PPFIA2: variants seen among roughly 807,000 people sequenced by gnomAD.
The protein encoded by PPFIA2 is PPFI scaffold protein A2.
In PPFIA2, 46 loss-of-function variants were observed where a neutral mutation model predicts 175.5. That is an observed-to-expected ratio of 0.26 (90% CI 0.21 to 0.34). PPFIA2 has a LOEUF of 0.34. Among genes scored for constraint, PPFIA2 ranks in the 10% least tolerant of loss-of-function variants. The pLI is 1.00. For synonymous variants in PPFIA2, 568 were observed against 511.4 expected (o/e 1.11, Z -1.49); for missense variants, 1,179 against 1,506.1 (o/e 0.78, Z 3.60).
chr12:81,653,429 G>C (rs4480617), intron 4 of PPFIA2, among the ~76,000 whole-genome samples: 47,543 of 151,886 alleles, frequency 0.31, 9,762 homozygotes, highest in African/African-American at 0.59. Context: ...CCAAAACCAA[G>C]TTGTCAGTAG....
At chr12:81,400,223 G>A (rs1027518208) in intron 8 of PPFIA2, among the ~76,000 whole-genome samples, 1 of 152,096 alleles carries the variant, frequency 6.6e-6, no homozygotes, top group African/African-American at 2.4e-5. Context: ...TTTCACAATA[G>A]CATGATGGAA....
intron 4 of PPFIA2, among the ~76,000 whole-genome samples, chr12:81,485,701 ATAG>A (rs1363423554): frequency 6.6e-6 from 1 of 151,980 alleles, no homozygotes. Context: ...AAGTCACAAA[ATAG>A]TAAACAAATC....
intron 4 of PPFIA2, among the ~76,000 whole-genome samples, chr12:81,560,885 A>G (rs1191995207): frequency 6.6e-6 from 1 of 152,152 alleles, no homozygotes; most frequent in African/African-American, 2.4e-5. Flanking sequence ...AACAGCTGAT[A>G]ATTTTTAATC....
chr12:81,581,962 C>T (rs2074480373), intron 4 of PPFIA2, among the ~76,000 whole-genome samples: 1 of 151,844 alleles, frequency 6.6e-6, no homozygotes, highest in Admixed American at 6.6e-5. Context: ...TAAAAATAAA[C>T]TGAACCTCGG....
chr12:81,532,068 A>T (rs2064652245), intron 4 of PPFIA2, among the ~76,000 whole-genome samples: 1 of 151,844 alleles, frequency 6.6e-6, no homozygotes, highest in Non-Finnish European at 1.5e-5. Flanking sequence ...CTCTGGCCAC[A>T]GTTACTTGAA....
chr12:81,300,424 A>G (rs112459579), intron 22 of PPFIA2, among the ~76,000 whole-genome samples: 17,911 of 152,206 alleles, frequency 0.12, 1,382 homozygotes, highest in Middle Eastern at 0.19. Flanking sequence ...TCTACTATTA[A>G]TCAATTAGTT....
chr12:81,417,313 C>G (rs1195581802), intron 7 of PPFIA2: 2 of 151,550 alleles, frequency 1.3e-5, no homozygotes, highest in Non-Finnish European at 3.0e-5. Flanking sequence ...TGAAATTTGA[C>G]CTCTTCAGCC....
At chr12:81,560,384 T>C (rs1327387600) in intron 4 of PPFIA2, among the ~76,000 whole-genome samples, 6 of 152,082 alleles carry the variant, frequency 3.9e-5, no homozygotes, top group Admixed American at 2.0e-4. Flanking sequence ...TGGAAGGTAA[T>C]CATATGTCAT....
At chr12:81,532,967 AT>A (rs5799537) in intron 4 of PPFIA2, among the ~76,000 whole-genome samples, 21 of 150,966 alleles carry the variant, frequency 1.4e-4, no homozygotes, top group Middle Eastern at 3.4e-3. Flanking sequence ...ATATCATTTA[AT>A]TTTTTTTTGT....
chr12:81,284,550 C>A (rs2073440918), intron 24 of PPFIA2, among the ~76,000 whole-genome samples: 1 of 152,136 alleles, frequency 6.6e-6, no homozygotes, highest in African/African-American at 2.4e-5. Flanking sequence ...AATGACATTT[C>A]TGCAATTATT....
chr12:81,606,638 T>G (rs976969128), intron 4 of PPFIA2, among the ~76,000 whole-genome samples: 2 of 152,110 alleles, frequency 1.3e-5, no homozygotes, highest in Non-Finnish European at 2.9e-5. Context: ...TCTGTTCATT[T>G]CCTTTGCCCA....
intron 22 of PPFIA2, among the ~76,000 whole-genome samples, chr12:81,324,431 A>G (rs2054319136): frequency 6.6e-6 from 1 of 151,998 alleles, no homozygotes. Flanking sequence ...TTTGTCAAAT[A>G]TTTGTCTGGG....
intron 4 of PPFIA2, among the ~76,000 whole-genome samples, chr12:81,664,850 T>C (rs933690803): frequency 2.4e-4 from 37 of 152,076 alleles, no homozygotes; most frequent in Non-Finnish European, 4.6e-4. Flanking sequence ...TGGAATACTA[T>C]GCAGCCATAA....
intron 4 of PPFIA2, among the ~76,000 whole-genome samples, chr12:81,590,124 G>T (rs778945784): frequency 7.9e-5 from 12 of 152,020 alleles, no homozygotes; most frequent in Non-Finnish European, 1.3e-4. Flanking sequence ...CTCTCTCTTG[G>T]CTGGGAAACT....
intron 7 of PPFIA2, among the ~76,000 whole-genome samples, chr12:81,434,297 T>C (rs907988495): frequency 6.6e-6 from 1 of 152,074 alleles, no homozygotes; most frequent in African/African-American, 2.4e-5. Context: ...ATATGGCATA[T>C]ATCATATATA....
At chr12:81,437,686 T>C (rs1464146155) in intron 7 of PPFIA2, among the ~76,000 whole-genome samples, 3 of 152,170 alleles carry the variant, frequency 2.0e-5, no homozygotes, top group Non-Finnish European at 4.4e-5. Context: ...CAATAAAATA[T>C]TTTGAGAAAT....
chr12:81,343,868 CTAGGGA>C (rs2058585820), intron 19 of PPFIA2, among the ~76,000 whole-genome samples: 1 of 152,044 alleles, frequency 6.6e-6, no homozygotes, highest in South Asian at 2.1e-4. Flanking sequence ...TCCTCTAACC[CTAGGGA>C]TAGTTAATTC....
chr12:81,726,997 G>A (rs1294744085), intron 3 of PPFIA2, among the ~76,000 whole-genome samples: 1 of 151,312 alleles, frequency 6.6e-6, no homozygotes, highest in Non-Finnish European at 1.5e-5. Context: ...CAGAGCCAAA[G>A]CCAAGGTGGC....
At chr12:81,615,006 G>A (rs1034442586) in intron 4 of PPFIA2, among the ~76,000 whole-genome samples, 2 of 152,096 alleles carry the variant, frequency 1.3e-5, no homozygotes, top group Non-Finnish European at 2.9e-5. Flanking sequence ...GTACTGCTTT[G>A]TGTGACACGG....
Sources: allele counts gnomAD v4.1 joint callset (sites outside exome capture counted in the v4.1 genomes callset), GRCh38; gene constraint gnomAD v4.1.1; transcripts MANE v1.5; gene names NCBI Gene and HGNC (gene_info 2026-07-23, HGNC 2026-07-21).